Variants in MINDY4 observed in about 807,000 individuals in gnomAD.
MINDY4 encodes MINDY lysine 48 deubiquitinase 4.
Under a neutral mutation model 87.0 loss-of-function variants are expected in MINDY4, and 68 were observed. That is an observed-to-expected ratio of 0.78 (90% CI 0.64 to 0.96). The LOEUF (loss-of-function observed/expected upper bound fraction) is 0.96. Among genes scored for constraint, MINDY4 ranks in the 40% least tolerant of loss-of-function variants. The probability of loss-of-function intolerance (pLI) is 0.00; values close to 1 mark genes in which losing one functional copy is unlikely to be tolerated. For synonymous variants in MINDY4, 379 were observed against 363.2 expected (o/e 1.04, Z -0.50); for missense variants, 919 against 928.2 (o/e 0.99, Z 0.13).
At chr7:30,865,252 C>A (rs1304463627) in intron 13 of MINDY4, among the ~76,000 whole-genome samples, 1 of 152,192 alleles carries the variant, frequency 6.6e-6, no homozygotes, top group Non-Finnish European at 1.5e-5. Context: ...TCCTTCCTAC[C>A]CAGCATGCTA....
At chr7:30,787,279 A>C (rs1787184733) in intron 4 of MINDY4, among the ~76,000 whole-genome samples, 1 of 152,164 alleles carries the variant, frequency 6.6e-6, no homozygotes, top group African/African-American at 2.4e-5. Context: ...CCACATCTTG[A>C]TGTCATACCC....
At chr7:30,828,829 T>A in intron 6 of MINDY4, 92 bp downstream of exon 6, 3 of 1,224,370 alleles carry the variant, frequency 2.5e-6, no homozygotes, top group Non-Finnish European at 3.6e-6. Context: ...GGGGGCCCCT[T>A]TCCTTCCACC....
At chr7:30,775,767 T>C (rs1330777383) in intron 1 of MINDY4, among the ~76,000 whole-genome samples, 2 of 152,200 alleles carry the variant, frequency 1.3e-5, no homozygotes, top group African/African-American at 2.4e-5. Context: ...ATTCCAAGGA[T>C]TTTAGAATCT....
intron 5 of MINDY4, among the ~76,000 whole-genome samples, chr7:30,801,908 C>T (rs1787663214): frequency 6.6e-6 from 1 of 152,174 alleles, no homozygotes; most frequent in Non-Finnish European, 1.5e-5. Flanking sequence ...TGGACATCAG[C>T]ATGGCAGCTC....
intron 15 of MINDY4, among the ~76,000 whole-genome samples, chr7:30,880,695 CCAG>C (rs1451660997): frequency 6.6e-6 from 1 of 152,170 alleles, no homozygotes; most frequent in African/African-American, 2.4e-5. Context: ...TTAGGCACGT[CCAG>C]CCACGTCCTG....
In MINDY4 at chr7:30,850,533, C is replaced by CGA; in HGVS notation, c.1533_1534dup (p.Ala512GlufsTer25). The CGA allele has an allele frequency of 6.2e-7, 1 of 1,606,716 alleles. No individual in the cohort carries two copies. The highest frequency in any genetic ancestry group is 8.5e-7 in the Non-Finnish European group (1 of 1,176,646). On this transcript the variant is annotated frameshift_variant, in exon 10 of 18. Transcript: ENST00000265299. LOFTEE classifies it high-confidence loss of function. ...AGACATTGTGTGGCGGGCAGGGGGC[C>CGA]GAGAGAGAGCCGTTGTTGCACTGTA... is the stretch of plus-strand genomic sequence containing the variant.
In MINDY4 at chr7:30,852,274, G is replaced by C; in HGVS notation, c.1606G>C (p.Glu536Gln). 6.2e-7 allele frequency: 1 copy of C among 1,614,128 alleles called. No individual in the cohort carries two copies. Among genetic ancestry groups the C allele is most frequent in the Non-Finnish European group, 8.5e-7 (1 of 1,180,010 alleles). Residue 536 changes from glutamate to glutamine, a missense_variant, in exon 11 of 18, where the codon GAA becomes CAA. Coordinates refer to ENST00000265299, the MANE Select transcript of MINDY4 (RefSeq NM_032222.3). The stretch of plus-strand genomic sequence containing the variant: ...GAAATACAAAGCAGATGGAGTCTTA[G>C]AAACAGTACGACTTTCTGGAAAATT... ...TGKYKADGVL[E>Q]TLTLHSLTCY...
chr7:30,877,037 C>A (rs558234070), intron 15 of MINDY4, among the ~76,000 whole-genome samples: 1 of 152,104 alleles, frequency 6.6e-6, no homozygotes, highest in Admixed American at 6.5e-5. Context: ...GATGATACCC[C>A]CAGCATGCCA....
At chr7:30,822,267 T>G (rs1788357609) in intron 5 of MINDY4, among the ~76,000 whole-genome samples, 1 of 152,052 alleles carries the variant, frequency 6.6e-6, no homozygotes, top group Admixed American at 6.5e-5. Flanking sequence ...CACCTCCGTT[T>G]CCCAGATTCA....
chr7:30,887,959 C>G (rs1448636247), intron 17 of MINDY4, among the ~76,000 whole-genome samples: 1 of 152,210 alleles, frequency 6.6e-6, no homozygotes, highest in African/African-American at 2.4e-5. Flanking sequence ...CGGAAACTTT[C>G]ACACAGGCCT....
chr7:30,783,088 G>A (rs1787052898), intron 3 of MINDY4, among the ~76,000 whole-genome samples: 1 of 152,188 alleles, frequency 6.6e-6, no homozygotes, highest in African/African-American at 2.4e-5. Context: ...CAGTTCTGGA[G>A]GTCTGAAGTG....
chr7:30,830,802 T>C (rs1456850923), intron 6 of MINDY4, among the ~76,000 whole-genome samples: 7 of 152,148 alleles, frequency 4.6e-5, no homozygotes, highest in African/African-American at 1.7e-4. Context: ...CTCTGAAGAA[T>C]GGGCAAGGTC....
Position 30,778,512 on chromosome 7 carries a change from A to G in MINDY4, c.144A>G (p.Arg48=), listed in dbSNP as rs200053449. Reference sequence around the variant, plus strand: ...GCATAAACAACAGAAATGATCTTCGAAAGGTTTTGCATCTTGAATTTCTCT... The same window carrying G: ...GCATAAACAACAGAAATGATCTTCGGAAGGTTTTGCATCTTGAATTTCTCT... ...DLSINNRNDL[R]KVLHLEFLYK... is the part of the protein sequence containing the mutation. The change falls in exon 2 of 18, where the codon CGA becomes CGG. Residue 48 remains arginine (R), a synonymous_variant. Coordinates refer to ENST00000265299, the MANE Select transcript of MINDY4 (RefSeq NM_032222.3). The G allele has an allele frequency of 6.2e-3, 10,064 of 1,614,188 alleles. 44 individuals are homozygous for G. Among genetic ancestry groups the G allele is most frequent in the Non-Finnish European group, 7.9e-3 (9,346 of 1,179,986 alleles).
intron 13 of MINDY4, among the ~76,000 whole-genome samples, chr7:30,870,902 CTG>C (rs1253231355): frequency 6.6e-6 from 1 of 152,170 alleles, no homozygotes; most frequent in East Asian, 1.9e-4. Context: ...TGCTGGGTGG[CTG>C]TGTGTGCCCC....
At position 30,857,461 on chromosome 7, in the gene MINDY4, G is replaced by GTTTT. The variant is rs1176212442; in HGVS notation, c.1678-1770_1678-1767dup. ...AAGAGGAGAGATCCATATCCACCTT[G>GTTTT]TTTTTTTTTTTTTTTTTTTTTTTTT... On this transcript the variant is annotated intron_variant, in intron 12 of 17. Transcript: ENST00000265299. Among the ~76,000 whole-genome samples the GTTTT allele has an allele frequency of 2.2e-4, 13 of 58,984 alleles. 1 individual carries two copies. Among genetic ancestry groups the GTTTT allele is most frequent in the Admixed American group, 5.3e-4 (3 of 5,614 alleles). The allele number at this position is 58,984 out of a possible 152,430, so 38.7% of individuals were successfully genotyped here.
chr7:30,775,772 G>A (rs974670041), intron 1 of MINDY4, among the ~76,000 whole-genome samples: 1 of 152,142 alleles, frequency 6.6e-6, no homozygotes, highest in African/African-American at 2.4e-5. Context: ...AAGGATTTTA[G>A]AATCTATGTG....
intron 10 of MINDY4, among the ~76,000 whole-genome samples, chr7:30,851,530 CGT>C (rs1789412869): frequency 6.6e-6 from 1 of 152,170 alleles, no homozygotes; most frequent in Non-Finnish European, 1.5e-5. Flanking sequence ...CTAAGCACCA[CGT>C]TTTAGATATC....
chr7:30,891,901 C>T (rs1584365436), intron 17 of MINDY4, 56 bp from the exon 18 acceptor site: 2 of 1,576,024 alleles, frequency 1.3e-6, no homozygotes, highest in Non-Finnish European at 1.7e-6. Flanking sequence ...GATGGGCTCT[C>T]ATCTGGGACC....
intron 5 of MINDY4, among the ~76,000 whole-genome samples, chr7:30,823,647 T>TA (rs1366202698): frequency 1.3e-5 from 2 of 152,238 alleles, no homozygotes; most frequent in Non-Finnish European, 2.9e-5. Context: ...TTCCTGTTTT[T>TA]AAAAAGTTTC....
Sources: allele counts gnomAD v4.1 joint callset (sites outside exome capture counted in the v4.1 genomes callset), GRCh38; gene constraint gnomAD v4.1.1; transcripts MANE v1.5; gene names NCBI Gene and HGNC (gene_info 2026-07-23, HGNC 2026-07-21).